CLIP2: variants seen among roughly 807,000 people sequenced by gnomAD.
The protein encoded by CLIP2 is CAP-Gly domain containing linker protein 2, also known as CAP-Gly domain-containing linker protein 2.
A neutral mutation model predicts 111.7 loss-of-function variants in CLIP2; 41 were observed. The observed-to-expected ratio is 0.37, with a 90% confidence interval of 0.29 to 0.48. The LOEUF (loss-of-function observed/expected upper bound fraction) is 0.48, where lower values mean the gene tolerates loss of function less well. Ranked by LOEUF, CLIP2 falls within the 20% of genes least tolerant of loss-of-function variation. The pLI, the probability that CLIP2 is intolerant of heterozygous loss-of-function variation, is 0.99. For synonymous variants in CLIP2, 660 were observed against 644.2 expected (o/e 1.02, Z -0.37); for missense variants, 1,160 against 1,422.1 (o/e 0.82, Z 2.96).
rs575209897 is a variant in CLIP2 at position 74,383,030 on chromosome 7, C to T, written c.2479+2167C>T. ...AGGAAGTGGAGGCTGCAGTGAGCTA[C>T]GATCATGCCACTGCACTCCAGCCTG... On this transcript the variant is annotated intron_variant, in intron 11 of 16. Coordinates refer to ENST00000223398, the MANE Select transcript of CLIP2 (RefSeq NM_003388.5). Among the ~76,000 whole-genome samples the T allele has an allele frequency of 1.6e-3, 227 of 145,318 alleles. 1 individual carries two copies. Among genetic ancestry groups the T allele is most frequent in the African/African-American group, 5.5e-3 (215 of 38,868 alleles).
intron 10 of CLIP2, among the ~76,000 whole-genome samples, chr7:74,378,946 G>T (rs1303227934): frequency 1.3e-5 from 2 of 152,262 alleles, no homozygotes; most frequent in African/African-American, 4.8e-5. Flanking sequence ...TGGGCTGAAA[G>T]AAAAGGAAGA....
chr7:74,392,867 A>G (rs1280684626), intron 13 of CLIP2, among the ~76,000 whole-genome samples: 1 of 152,180 alleles, frequency 6.6e-6, no homozygotes, highest in African/African-American at 2.4e-5. Flanking sequence ...ACAAATGGCA[A>G]GACCTAACAA....
chr7:74,344,687 G>C (rs578249231), intron 3 of CLIP2, among the ~76,000 whole-genome samples: 3 of 152,222 alleles, frequency 2.0e-5, no homozygotes, highest in Non-Finnish European at 4.4e-5. Flanking sequence ...ACAGGCATGA[G>C]CCACTGAGCC....
At chr7:74,361,205 T>TTCCC (rs1790322725) in intron 7 of CLIP2, among the ~76,000 whole-genome samples, 7 of 123,670 alleles carry the variant, frequency 5.7e-5, no homozygotes, top group South Asian at 6.3e-4. Flanking sequence ...CCTTCCTTCC[T>TTCCC]TCCCTCCCTC....
chr7:74,332,198 C>T (rs1165125764), intron 2 of CLIP2, among the ~76,000 whole-genome samples: 6 of 151,918 alleles, frequency 3.9e-5, no homozygotes, highest in African/African-American at 9.7e-5. Flanking sequence ...CTCAGCCTCT[C>T]GAGTAGCTGG....
chr7:74,296,443 G>A (rs1554726120), intron 1 of CLIP2, among the ~76,000 whole-genome samples: 1 of 151,884 alleles, frequency 6.6e-6, no homozygotes, highest in African/African-American at 2.4e-5. Flanking sequence ...CTGGGAGGCA[G>A]AGGCTGCAGT....
chr7:74,363,334 G>T (rs1489886705), intron 7 of CLIP2, among the ~76,000 whole-genome samples: 1 of 152,190 alleles, frequency 6.6e-6, no homozygotes, highest in African/African-American at 2.4e-5. Flanking sequence ...GCTGTAAGGT[G>T]GGGTGGGCCT....
chr7:74,322,762 C>T (rs1158121747), intron 2 of CLIP2, among the ~76,000 whole-genome samples: 1 of 152,054 alleles, frequency 6.6e-6, no homozygotes, highest in African/African-American at 2.4e-5. Context: ...GATGGAGTCT[C>T]GCTCTGTCAC....
At chr7:74,387,132 G>C (rs782349404) in intron 12 of CLIP2, among the ~76,000 whole-genome samples, 1 of 151,478 alleles carries the variant, frequency 6.6e-6, no homozygotes, top group Non-Finnish European at 1.5e-5. Context: ...ATGCCTCCCC[G>C]CCAGCTTCTG....
chr7:74,333,014 C>G (rs1165625544), intron 2 of CLIP2, among the ~76,000 whole-genome samples: 1 of 152,148 alleles, frequency 6.6e-6, no homozygotes, highest in African/African-American at 2.4e-5. Flanking sequence ...ATCTGGGCGC[C>G]CTTTTTATCC....
intron 12 of CLIP2, among the ~76,000 whole-genome samples, chr7:74,387,802 T>G (rs1791159174): frequency 6.6e-6 from 1 of 152,248 alleles, no homozygotes; most frequent in Non-Finnish European, 1.5e-5. Context: ...GCTGCTGTGC[T>G]TGGCGAGGAT....
intron 16 of CLIP2, among the ~76,000 whole-genome samples, chr7:74,401,999 A>G (rs894280381): frequency 7.2e-5 from 11 of 152,142 alleles, no homozygotes; most frequent in African/African-American, 2.2e-4. Context: ...ACAGTGGCTC[A>G]TGTCTGTAAT....
chr7:74,338,700 G>T lies in CLIP2; in HGVS notation c.374G>T (p.Gly125Val). Residue 125 changes from glycine to valine, a missense_variant, in exon 3 of 17, where the codon GGC (glycine) becomes GTC (valine). This residue lies in a region of CLIP2 where 301 missense variants were observed against 315.2 expected (regional missense o/e 0.96). Transcript: ENST00000223398. The surrounding 1 kb of genome is among the most constrained non-coding windows in gnomAD (Gnocchi z 4.3). ...GTGGGCAAGAATGATGGCGCGGTGG[G>T]CGGCGTGCGCTACTTCGAGTGCCCG... is the stretch of plus-strand genomic sequence containing the variant. Reference protein sequence around the residue: ...DPVGKNDGAVGGVRYFECPAL... With the variant: ...DPVGKNDGAVVGVRYFECPAL... The T allele has an allele frequency of 6.3e-7, 1 of 1,585,284 alleles. No homozygotes were observed.
chr7:74,395,747 C>T (rs571026427), intron 13 of CLIP2, among the ~76,000 whole-genome samples: 1 of 152,292 alleles, frequency 6.6e-6, no homozygotes, highest in South Asian at 2.1e-4. Flanking sequence ...GGGAGATCAG[C>T]TAGGAATGCT....
At position 74,376,672 on chromosome 7, in the gene CLIP2, G is replaced by A. The variant is rs782083371; in HGVS notation, c.2271G>A (p.Ser757=). ...QAIEFLKEQI[S]LAEKKMLDYE... ...TCGAGTTCCTCAAGGAGCAGATCTC[G>A]CTGGCCGAGAAGAAGATGTTGGACT... Residue 757 remains serine, a synonymous_variant, in exon 10 of 17, where the codon TCG becomes TCA. Transcript: ENST00000223398. The surrounding 1 kb of genome is among the most constrained non-coding windows in gnomAD (Gnocchi z 7.1). The A allele has an allele frequency of 8.1e-6, 13 of 1,613,150 alleles. No homozygotes were observed. The East Asian group carries it at 8.9e-5, about 11-fold the overall frequency.
rs782270028 is a variant in CLIP2 at position 74,356,466 on chromosome 7, G to T, written c.860G>T (p.Arg287Leu). 1 of 1,614,072 alleles carries T rather than the reference G, an allele frequency of 6.2e-7. No homozygotes were observed. Among genetic ancestry groups the T allele is most frequent in the Non-Finnish European group, 8.5e-7 (1 of 1,180,052 alleles). ...TTCGCGCCCATCCACAAAGTGATCC[G>T]TATCGGCTTCCCATCTACCAGCCCA... ...GLFAPIHKVI[R>L]IGFPSTSPAK... The change falls in exon 5 of 17, where the codon CGT becomes CTT. Residue 287 changes from arginine to leucine, a missense_variant. Arg to Leu is a moderately radical substitution (Grantham distance 102). Coordinates refer to ENST00000223398, the MANE Select transcript of CLIP2 (RefSeq NM_003388.5).
At chr7:74,334,873 G>A (rs1789404854) in intron 2 of CLIP2, among the ~76,000 whole-genome samples, 1 of 150,996 alleles carries the variant, frequency 6.6e-6, no homozygotes, top group Non-Finnish European at 1.5e-5. Context: ...CTATAATCCT[G>A]GCTACACTGG....
intron 2 of CLIP2, among the ~76,000 whole-genome samples, chr7:74,320,795 AGAG>A (rs782655835): frequency 1.3e-5 from 2 of 151,998 alleles, no homozygotes; most frequent in Non-Finnish European, 2.9e-5. Flanking sequence ...GAAAATGAGA[AGAG>A]GAGGAGGAGG....
At chr7:74,306,610 A>G (rs1344102539) in intron 1 of CLIP2, among the ~76,000 whole-genome samples, 2 of 152,124 alleles carry the variant, frequency 1.3e-5, no homozygotes, top group Non-Finnish European at 2.9e-5. Flanking sequence ...GGCAGCTGAA[A>G]TGGAAGGCGT....
Sources: gnomAD v4.1 joint callset for allele counts (sites outside exome capture counted in the v4.1 genomes callset) on GRCh38, gnomAD v4.1.1 for gene constraint, gnomAD v4.1.1 regional missense constraint, Gnocchi (gnomAD v3.1) non-coding constraint, MANE v1.5 for transcripts, NCBI Gene and HGNC (gene_info 2026-07-23, HGNC 2026-07-21) for gene names.